Variants in DNAH5 observed in about 807,000 individuals in gnomAD.
DNAH5 encodes dynein axonemal heavy chain 5, also known as axonemal beta dynein heavy chain 5.
DNAH5 carries 372 observed loss-of-function variants against 518.2 expected under a neutral mutation model. The observed-to-expected ratio is 0.72, with a 90% CI of 0.66 to 0.78. The LOEUF (loss-of-function observed/expected upper bound fraction) is 0.78. Among genes scored for constraint, DNAH5 ranks in the 30% least tolerant of loss-of-function variants. DNAH5 has a pLI of 0.00. For missense variants in DNAH5, 5,523 were observed against 5,687.0 expected (o/e 0.97, Z 0.93); for synonymous variants, 2,039 against 2,025.9 (o/e 1.01, Z -0.17).
chr5:13,754,117 A>G, intron 62 of DNAH5, 86 bp downstream of exon 62: 1 of 1,532,020 alleles, frequency 6.5e-7, no homozygotes, highest in Non-Finnish European at 9.0e-7. Flanking sequence ...CATGTTGGAC[A>G]CACAAAGGAA....
At chr5:13,824,378 AC>A (rs1762626767) in intron 38 of DNAH5, 45 bp from the exon 39 acceptor site, 1 of 1,587,444 alleles carries the variant, frequency 6.3e-7, no homozygotes, top group Non-Finnish European at 8.6e-7. Flanking sequence ...ACATTAAAAT[AC>A]TTGCAGAAGC....
intron 14 of DNAH5, 42 bp from the exon 15 acceptor site, chr5:13,900,454 T>A (rs1173115495): frequency 6.6e-7 from 1 of 1,507,740 alleles, no homozygotes; most frequent in East Asian, 2.3e-5. Flanking sequence ...GAAAGTTCAA[T>A]TCATGCAGAG....
At chr5:13,814,867 GAA>G (rs753827452) in intron 42 of DNAH5, 21 bp from the exon 43 acceptor site, 2 of 1,504,556 alleles carry the variant, frequency 1.3e-6, no homozygotes, top group Non-Finnish European at 1.8e-6. Context: ...CCACCAAAGG[GAA>G]AAAAAAAATA....
chr5:13,896,266 T>C (rs947804506), intron 15 of DNAH5, among the ~76,000 whole-genome samples: 6 of 152,066 alleles, frequency 3.9e-5, no homozygotes, highest in Non-Finnish European at 8.8e-5. Context: ...TAGATGCTTG[T>C]TCTAGAAAGA....
At chr5:13,713,166 G>A (rs1029612587) in intron 75 of DNAH5, among the ~76,000 whole-genome samples, 13 of 109,068 alleles carry the variant, frequency 1.2e-4, no homozygotes, top group Admixed American at 4.0e-4. Context: ...TATATATACC[G>A]ACATATATAT....
intron 25 of DNAH5, among the ~76,000 whole-genome samples, chr5:13,866,811 T>C (rs1769321009): frequency 6.6e-6 from 1 of 152,208 alleles, no homozygotes; most frequent in African/African-American, 2.4e-5. Flanking sequence ...TACTAGTTAA[T>C]GGGTACAAAT....
At chr5:13,825,454 C>A (rs1213866846) in intron 38 of DNAH5, among the ~76,000 whole-genome samples, 1 of 152,162 alleles carries the variant, frequency 6.6e-6, no homozygotes, top group Non-Finnish European at 1.5e-5. Context: ...GAGGTGGAAG[C>A]AACCCAAATG....
At chr5:13,702,534 G>A (rs977255198) in intron 76 of DNAH5, among the ~76,000 whole-genome samples, 6 of 152,212 alleles carry the variant, frequency 3.9e-5, no homozygotes, top group African/African-American at 1.4e-4. Flanking sequence ...GTCCTACCGA[G>A]GTGGGTGATC....
intron 35 of DNAH5, among the ~76,000 whole-genome samples, chr5:13,833,444 A>AAAAC (rs1370446223): frequency 6.7e-6 from 1 of 148,486 alleles, no homozygotes; most frequent in Non-Finnish European, 1.5e-5. Flanking sequence ...CTCCTTCCCA[A>AAAAC]AAAAAAAAAA....
chr5:13,885,243 AAGAGAT>A lies in DNAH5; in HGVS notation c.2744-21_2744-16del, dbSNP rs1212337858. The A allele has an allele frequency of 6.2e-6, 10 of 1,613,568 alleles. No homozygotes were observed. In the Admixed American group the frequency reaches 8.3e-5, roughly 13 times the overall value. Reference sequence around the variant, plus strand: ...TTCTCTTTTTGCTGTTACAAGATGAAAGAGATAGAGATAGAGATAAGTTAGATGGAT... The same window carrying A: ...TTCTCTTTTTGCTGTTACAAGATGAAAGAGATAGAGATAAGTTAGATGGAT... On this transcript the variant is annotated splice_polypyrimidine_tract_variant and intron_variant, in intron 18 of 78. Transcript: ENST00000265104.
intron 61 of DNAH5, among the ~76,000 whole-genome samples, chr5:13,756,518 G>A (rs8180374): frequency 0.73 from 111,668 of 152,038 alleles, 41,342 homozygotes; most frequent in African/African-American, 0.82. Flanking sequence ...ACATAATAAA[G>A]TGAGAAGGTA....
chr5:13,844,696 A>G (rs1765727591), intron 32 of DNAH5, 141 bp downstream of exon 32: 1 of 1,034,050 alleles, frequency 9.7e-7, no homozygotes, highest in Admixed American at 1.7e-5. Flanking sequence ...TTGGGCCCCG[A>G]GATTTGTTTT....
In DNAH5 at chr5:13,809,196, G is replaced by A. The variant is rs2127007444; in HGVS notation, c.7610-10C>T. The A allele has an allele frequency of 6.2e-7, 1 of 1,613,888 alleles. No individual in the cohort carries two copies. The highest frequency in any genetic ancestry group is 8.5e-7 in the Non-Finnish European group (1 of 1,179,862). ...CAGTGCGTCCATGTACCTAAGGTGA[G>A]CAGAGGACATTTCCATCTCCATATT... On this transcript the variant is annotated splice_polypyrimidine_tract_variant and intron_variant, in intron 45 of 78. Coordinates refer to ENST00000265104, the MANE Select transcript of DNAH5 (RefSeq NM_001369.3).
intron 24 of DNAH5, among the ~76,000 whole-genome samples, chr5:13,870,087 T>C (rs1260686082): frequency 6.6e-6 from 1 of 152,130 alleles, no homozygotes; most frequent in East Asian, 1.9e-4. Context: ...TATGATATGG[T>C]ATACAAATAA....
At chr5:13,793,096 C>T (rs558416336) in intron 49 of DNAH5, among the ~76,000 whole-genome samples, 12 of 152,106 alleles carry the variant, frequency 7.9e-5, no homozygotes, top group East Asian at 5.8e-4. Flanking sequence ...GCTCTGGGTG[C>T]CATTATTTCT....
At chr5:13,996,025 G>T (rs1225911299) in intron 1 of DNAH5, among the ~76,000 whole-genome samples, 1 of 152,168 alleles carries the variant, frequency 6.6e-6, no homozygotes, top group Non-Finnish European at 1.5e-5. Context: ...GTTTACAACT[G>T]TATCACTGCA....
At chr5:14,002,399 T>A (rs777138348) in intron 1 of DNAH5, among the ~76,000 whole-genome samples, 17 of 152,170 alleles carry the variant, frequency 1.1e-4, no homozygotes, top group Non-Finnish European at 2.2e-4. Context: ...AACACATAAA[T>A]GTACTTTTAA....
chr5:13,748,801 G>C (rs4314396), intron 65 of DNAH5, among the ~76,000 whole-genome samples: 37 of 152,106 alleles, frequency 2.4e-4, no homozygotes, highest in Admixed American at 1.6e-3. Context: ...GGGTTTTCTA[G>C]ATATACAATC....
chr5:14,000,305 G>A (rs1030091754), intron 1 of DNAH5, among the ~76,000 whole-genome samples: 21 of 152,348 alleles, frequency 1.4e-4, no homozygotes, highest in East Asian at 1.9e-4. Flanking sequence ...ACCTGGGGCC[G>A]CCAGGAGCTG....
Sources: allele counts gnomAD v4.1 joint callset (sites outside exome capture counted in the v4.1 genomes callset), GRCh38; gene constraint gnomAD v4.1.1; transcripts MANE v1.5; gene names NCBI Gene and HGNC (gene_info 2026-07-23, HGNC 2026-07-21).